PLD5: variants seen among roughly 807,000 people sequenced by gnomAD.
PLD5 encodes phospholipase D family member 5, also known as inactive phospholipase D5.
Under a neutral mutation model 61.1 loss-of-function variants are expected in PLD5, and 36 were observed. The ratio of observed to expected loss-of-function variants is 0.59; its 90% CI spans 0.45 to 0.78. The LOEUF is 0.78. Ranked by LOEUF, PLD5 falls within the 30% of genes least tolerant of loss-of-function variation. The pLI is 0.00. For missense variants in PLD5, 515 were observed against 644.4 expected (o/e 0.80, Z 2.17); for synonymous variants, 243 against 242.8 (o/e 1.00, Z -0.01).
At chr1:242,164,535 A>G (rs1191601072) in intron 5 of PLD5, among the ~76,000 whole-genome samples, 1 of 152,204 alleles carries the variant, frequency 6.6e-6, no homozygotes, top group Non-Finnish European at 1.5e-5. Context: ...AAGACACTAT[A>G]AGCAAAAAAG....
chr1:242,139,159 C>A (rs965907292), intron 5 of PLD5, among the ~76,000 whole-genome samples: 1 of 152,102 alleles, frequency 6.6e-6, no homozygotes, highest in Non-Finnish European at 1.5e-5. Context: ...TCAGTAACCC[C>A]AGGTCTGCCT....
At chr1:242,447,478 C>T (rs999607100) in intron 1 of PLD5, among the ~76,000 whole-genome samples, 1 of 152,240 alleles carries the variant, frequency 6.6e-6, no homozygotes, top group African/African-American at 2.4e-5. Context: ...CTCTTACTCA[C>T]TAAAATGAAA....
At chr1:242,491,328 A>G (rs1668143509) in intron 1 of PLD5, among the ~76,000 whole-genome samples, 1 of 152,214 alleles carries the variant, frequency 6.6e-6, no homozygotes, top group African/African-American at 2.4e-5. Flanking sequence ...TATTACTTAT[A>G]TATAGATAGA....
chr1:242,165,320 A>G (rs1666221749), intron 5 of PLD5, among the ~76,000 whole-genome samples: 1 of 152,166 alleles, frequency 6.6e-6, no homozygotes, highest in Non-Finnish European at 1.5e-5. Context: ...AGTGCAAGTT[A>G]TAACTTTTAT....
intron 3 of PLD5, among the ~76,000 whole-genome samples, chr1:242,274,386 T>C (rs1674286541): frequency 6.6e-6 from 1 of 152,190 alleles, no homozygotes; most frequent in African/African-American, 2.4e-5. Context: ...GGTCTGTTTC[T>C]ATCAAACAAA....
At chr1:242,160,858 C>CTGAGCAACAGAG (rs1206445605) in intron 5 of PLD5, among the ~76,000 whole-genome samples, 3 of 130,888 alleles carry the variant, frequency 2.3e-5, no homozygotes, top group Non-Finnish European at 1.7e-5. Context: ...GCACTCCAGC[C>CTGAGCAACAGAG]TGAGCAACAG....
intron 1 of PLD5, among the ~76,000 whole-genome samples, chr1:242,504,742 G>A (rs886424602): frequency 7.3e-5 from 11 of 151,570 alleles, no homozygotes; most frequent in Non-Finnish European, 1.2e-4. Context: ...TTTCTGCCTC[G>A]GTGAAACATG....
intron 1 of PLD5, among the ~76,000 whole-genome samples, chr1:242,510,276 G>A (rs1372377431): frequency 4.6e-5 from 7 of 152,028 alleles, no homozygotes; most frequent in Non-Finnish European, 8.8e-5. Flanking sequence ...CACGGAATAC[G>A]AATGGAATTA....
chr1:242,528,513 A>C (rs1669490844), upstream of PLD5, among the ~76,000 whole-genome samples: 1 of 152,196 alleles, frequency 6.6e-6, no homozygotes, highest in Non-Finnish European at 1.5e-5. Flanking sequence ...TGAATTAGGC[A>C]CTTTGCATTG....
chr1:242,112,348 T>TATATATATATATATATATATAG (rs1477454076), intron 7 of PLD5, among the ~76,000 whole-genome samples: 1 of 150,948 alleles, frequency 6.6e-6, no homozygotes, highest in Non-Finnish European at 1.5e-5. Flanking sequence ...TGTATATATA[T>TATATATATATATATATATATAG]ATATAGATGG....
intron 1 of PLD5, among the ~76,000 whole-genome samples, chr1:242,437,219 A>G (rs1338878940): frequency 6.6e-6 from 1 of 152,158 alleles, no homozygotes; most frequent in Non-Finnish European, 1.5e-5. Flanking sequence ...AATCACACAC[A>G]TTTAAATCGA....
chr1:242,404,708 T>C (rs904439720), intron 1 of PLD5, among the ~76,000 whole-genome samples: 1 of 97,916 alleles, frequency 1.0e-5, no homozygotes, highest in African/African-American at 5.2e-5. Flanking sequence ...CATTTTGGAA[T>C]CTTTCCTTTT....
intron 2 of PLD5, among the ~76,000 whole-genome samples, chr1:242,309,118 G>A (rs912254868): frequency 6.6e-6 from 1 of 152,112 alleles, no homozygotes. Context: ...TTGAATGGAG[G>A]GAAAGAATAC....
At chr1:242,376,333 G>A (rs758638891) in intron 1 of PLD5, among the ~76,000 whole-genome samples, 1 of 152,186 alleles carries the variant, frequency 6.6e-6, no homozygotes, top group Non-Finnish European at 1.5e-5. Flanking sequence ...GTGGCCTGAA[G>A]ACAAAGGCAC....
chr1:242,264,770 A>G (rs1247114860), intron 4 of PLD5, among the ~76,000 whole-genome samples: 1 of 152,170 alleles, frequency 6.6e-6, no homozygotes, highest in African/African-American at 2.4e-5. Flanking sequence ...TGAGAGCTCA[A>G]TTCGGTTGAC....
At chr1:242,462,158 T>A (rs1414157089) in intron 1 of PLD5, among the ~76,000 whole-genome samples, 1 of 152,224 alleles carries the variant, frequency 6.6e-6, no homozygotes, top group Non-Finnish European at 1.5e-5. Context: ...GACTAATGCA[T>A]GTGTTGACCA....
intron 1 of PLD5, among the ~76,000 whole-genome samples, chr1:242,410,761 T>G (rs548800408): frequency 1.8e-4 from 27 of 152,186 alleles, no homozygotes; most frequent in South Asian, 2.1e-4. Context: ...GCCAAGCAGG[T>G]GACCTCAGGC....
chr1:242,343,173 C>T (rs1187254598), intron 2 of PLD5, among the ~76,000 whole-genome samples: 2 of 151,740 alleles, frequency 1.3e-5, no homozygotes, highest in Non-Finnish European at 2.9e-5. Context: ...TGATGAGATG[C>T]TGACAGACTG....
intron 3 of PLD5, among the ~76,000 whole-genome samples, chr1:242,279,070 G>A (rs1232891464): frequency 6.6e-6 from 1 of 152,192 alleles, no homozygotes; most frequent in African/African-American, 2.4e-5. Flanking sequence ...CTGGTGGTAC[G>A]CTGGACAATA....
Sources: gnomAD v4.1 joint callset for allele counts (sites outside exome capture counted in the v4.1 genomes callset) on GRCh38, gnomAD v4.1.1 for gene constraint, MANE v1.5 for transcripts, NCBI Gene and HGNC (gene_info 2026-07-23, HGNC 2026-07-21) for gene names.